MALRD1: variants seen among roughly 807,000 people sequenced by gnomAD.
MALRD1 encodes MAM and LDL receptor class A domain containing 1.
MALRD1 carries 247 observed loss-of-function variants against 242.1 expected under a neutral mutation model. That is an observed-to-expected ratio of 1.02 (90% CI 0.92 to 1.13). The LOEUF is 1.13. Among genes scored for constraint, MALRD1 ranks in the 50% most tolerant of loss-of-function variants. The probability of loss-of-function intolerance (pLI) is 0.00; values close to 1 mark genes in which losing one functional copy is unlikely to be tolerated. For synonymous variants in MALRD1, 995 were observed against 866.6 expected (o/e 1.15, Z -2.60); for missense variants, 2,989 against 2,533.1 (o/e 1.18, Z -3.86).
Position 19,205,194 on chromosome 10 carries a change from C to T in MALRD1, c.2507C>T (p.Ala836Val). ...CATTTCTGGTGTCGCCACACCAGGG[C>T]TTGCATAGAAAAGCTTCGGTTATGT... is the stretch of plus-strand genomic sequence containing the variant. ...LDHFWCRHTR[A>V]CIEKLRLCDL... Residue 836 changes from alanine (A) to valine (V), a missense_variant, in exon 17 of 40, where the codon GCT (alanine) becomes GTT (valine). By Grantham distance (64) the Ala-to-Val change is moderately conservative. Transcript: ENST00000454679. The T allele has an allele frequency of 6.4e-7, 1 of 1,551,010 alleles. No homozygotes were observed. The highest frequency in any genetic ancestry group is 8.7e-7 in the Non-Finnish European group (1 of 1,147,062).
chr10:19,235,884 T>C (rs1214670352), intron 18 of MALRD1, among the ~76,000 whole-genome samples: 4 of 152,052 alleles, frequency 2.6e-5, no homozygotes, highest in African/African-American at 9.7e-5. Flanking sequence ...TTGAAGCTTC[T>C]ATGGGACATC....
intron 28 of MALRD1, among the ~76,000 whole-genome samples, chr10:19,391,625 C>T (rs1846339719): frequency 6.6e-6 from 1 of 152,130 alleles, no homozygotes; most frequent in Non-Finnish European, 1.5e-5. Context: ...CTGGCTTTTC[C>T]CTCCACACCG....
intron 18 of MALRD1, among the ~76,000 whole-genome samples, chr10:19,250,641 A>C (rs966583360): frequency 2.6e-5 from 4 of 152,002 alleles, no homozygotes; most frequent in African/African-American, 7.2e-5. Context: ...ATCTAAAAAC[A>C]TACAGAGGAA....
intron 28 of MALRD1, among the ~76,000 whole-genome samples, chr10:19,438,386 A>G (rs554042666): frequency 2.0e-5 from 3 of 152,332 alleles, no homozygotes; most frequent in South Asian, 2.1e-4. Context: ...AATGGATTAT[A>G]TGTACCACAT....
intron 18 of MALRD1, among the ~76,000 whole-genome samples, chr10:19,217,773 G>A (rs956865806): frequency 6.6e-6 from 1 of 152,054 alleles, no homozygotes; most frequent in Non-Finnish European, 1.5e-5. Context: ...ATCTGCCCAC[G>A]TTGGCCTCCC....
intron 21 of MALRD1, among the ~76,000 whole-genome samples, chr10:19,286,996 G>C (rs1005898189): frequency 6.6e-6 from 1 of 151,588 alleles, no homozygotes; most frequent in East Asian, 1.9e-4. Context: ...TTCATCCCTG[G>C]GATGCAAGGC....
intron 31 of MALRD1, among the ~76,000 whole-genome samples, chr10:19,500,215 T>C (rs1340390818): frequency 6.6e-6 from 1 of 152,212 alleles, no homozygotes; most frequent in Non-Finnish European, 1.5e-5. Flanking sequence ...AACCTTTAAA[T>C]TGAATATTCT....
chr10:19,467,171 G>C (rs1409753512), intron 29 of MALRD1, among the ~76,000 whole-genome samples: 1 of 151,862 alleles, frequency 6.6e-6, no homozygotes, highest in Non-Finnish European at 1.5e-5. Context: ...TGGCTAACTT[G>C]GTGAAATCCC....
At chr10:19,697,913 T>TAA (rs1426822400) in intron 38 of MALRD1, among the ~76,000 whole-genome samples, 6 of 152,190 alleles carry the variant, frequency 3.9e-5, no homozygotes, top group Admixed American at 2.6e-4. Context: ...AGTAACTTAT[T>TAA]TAGATTCCCC....
intron 38 of MALRD1, among the ~76,000 whole-genome samples, chr10:19,694,445 T>TGGC (rs1341450172): frequency 6.6e-6 from 1 of 152,164 alleles, no homozygotes; most frequent in Non-Finnish European, 1.5e-5. Context: ...AAGAAGACAT[T>TGGC]TATGCAGCCA....
At chr10:19,539,857 CGTGTGTGT>C (rs368123598) in intron 32 of MALRD1, among the ~76,000 whole-genome samples, 7,250 of 126,970 alleles carry the variant, frequency 0.057, 217 homozygotes, top group East Asian at 0.097. Flanking sequence ...CAGCTTTGTG[CGTGTGTGT>C]GTGTGTGTGT....
At chr10:19,153,159 A>G (rs1427201671) in intron 11 of MALRD1, among the ~76,000 whole-genome samples, 1 of 152,168 alleles carries the variant, frequency 6.6e-6, no homozygotes, top group African/African-American at 2.4e-5. Context: ...AACCAAACCT[A>G]CATTCTTGGA....
chr10:19,686,098 G>A (rs557914428), intron 36 of MALRD1, among the ~76,000 whole-genome samples: 1 of 152,216 alleles, frequency 6.6e-6, no homozygotes, highest in South Asian at 2.1e-4. Context: ...CCACCGAGGG[G>A]CATAAGACAG....
intron 4 of MALRD1, among the ~76,000 whole-genome samples, chr10:19,103,534 A>G (rs2131334998): frequency 6.9e-6 from 1 of 144,480 alleles, no homozygotes; most frequent in South Asian, 2.2e-4. Flanking sequence ...CCTGGGTGAA[A>G]AAGCGAGACT....
chr10:19,701,713 A>C (rs931379516), intron 38 of MALRD1, among the ~76,000 whole-genome samples: 210 of 27,426 alleles, frequency 7.7e-3, no homozygotes, highest in South Asian at 0.011. Flanking sequence ...CCCCTCCCCT[A>C]CCCTCCCCCT....
chr10:19,170,273 A>G (rs1025231185), intron 13 of MALRD1, among the ~76,000 whole-genome samples: 1 of 152,076 alleles, frequency 6.6e-6, no homozygotes, highest in Admixed American at 6.6e-5. Context: ...AGCTTTTCAC[A>G]CTAATAGATT....
intron 32 of MALRD1, among the ~76,000 whole-genome samples, chr10:19,563,796 T>C (rs1836121312): frequency 6.6e-6 from 1 of 152,168 alleles, no homozygotes; most frequent in African/African-American, 2.4e-5. Flanking sequence ...CTGATATAGG[T>C]TGGATGTCCC....
intron 31 of MALRD1, among the ~76,000 whole-genome samples, chr10:19,523,016 C>T (rs576060381): frequency 6.6e-6 from 1 of 152,246 alleles, no homozygotes; most frequent in African/African-American, 2.4e-5. Flanking sequence ...TATATCTATT[C>T]TCTAAATTTC....
At chr10:19,299,276 A>T (rs1841841138) in intron 21 of MALRD1, among the ~76,000 whole-genome samples, 1 of 151,984 alleles carries the variant, frequency 6.6e-6, no homozygotes, top group African/African-American at 2.4e-5. Flanking sequence ...TGCCTTGGGA[A>T]TTCTGCTTCT....
Sources: allele counts gnomAD v4.1 joint callset (sites outside exome capture counted in the v4.1 genomes callset), GRCh38; gene constraint gnomAD v4.1.1; transcripts MANE v1.5; gene names NCBI Gene and HGNC (gene_info 2026-07-23, HGNC 2026-07-21).